Variants in TG observed in about 807,000 individuals in gnomAD.
TG encodes thyroid hormones.
A neutral mutation model predicts 324.7 loss-of-function variants in TG; 270 were observed. The observed-to-expected ratio is 0.83, with a 90% CI of 0.75 to 0.92. The LOEUF (loss-of-function observed/expected upper bound fraction) is 0.92, where lower values mean the gene tolerates loss of function less well. TG is among the 40% of genes least tolerant of loss of function. The pLI is 0.00. For synonymous variants in TG, 1,401 were observed against 1,327.0 expected, an observed-to-expected ratio of 1.06 and a Z score of -1.21; for missense variants, 3,591 against 3,456.4, an observed-to-expected ratio of 1.04 and a Z score of -0.98.
At chr8:132,921,421 G>A (rs1432547122) in intron 21 of TG, among the ~76,000 whole-genome samples, 3 of 152,176 alleles carry the variant, frequency 2.0e-5, no homozygotes, top group African/African-American at 7.2e-5. Flanking sequence ...GGTTCTCTAG[G>A]ATCAAGGTTG....
chr8:133,113,701 C>G, intron 44 of TG, 98 bp downstream of exon 44: 1 of 1,395,242 alleles, frequency 7.2e-7, no homozygotes, highest in Non-Finnish European at 9.9e-7. Flanking sequence ...AGGCACGTGG[C>G]TTTGTGCTTG....
intron 21 of TG, 59 bp downstream of exon 21, chr8:132,919,584 AG>A: frequency 3.1e-6 from 5 of 1,604,370 alleles, no homozygotes; most frequent in Admixed American, 1.7e-5. Flanking sequence ...GGAACTCAAC[AG>A]GGTTTCCCAA....
At chr8:133,053,905 A>C (rs2739182) in intron 41 of TG, among the ~76,000 whole-genome samples, 9 of 152,070 alleles carry the variant, frequency 5.9e-5, no homozygotes, top group South Asian at 2.1e-4. Context: ...GCTTTTGCTT[A>C]AGGGTCAGAT....
intron 26 of TG, among the ~76,000 whole-genome samples, chr8:132,946,162 A>G (rs1051895297): frequency 1.3e-5 from 2 of 152,280 alleles, no homozygotes; most frequent in African/African-American, 2.4e-5. Context: ...TTTTCTGAAG[A>G]TACCACAATT....
At chr8:132,962,737 A>C (rs1188179555) in intron 28 of TG, among the ~76,000 whole-genome samples, 1 of 152,194 alleles carries the variant, frequency 6.6e-6, no homozygotes, top group Non-Finnish European at 1.5e-5. Context: ...TTATGAGCAT[A>C]TTTTGTTAAC....
intron 45 of TG, among the ~76,000 whole-genome samples, chr8:133,124,570 A>G (rs1431094309): frequency 6.6e-6 from 1 of 152,210 alleles, no homozygotes; most frequent in Non-Finnish European, 1.5e-5. Flanking sequence ...TCACCTTTAA[A>G]ATAGGTATAG....
chr8:132,994,888 G>T, intron 35 of TG: 1 of 1,211,002 alleles, frequency 8.3e-7, no homozygotes, highest in East Asian at 6.0e-5. Context: ...TAAGATTGAG[G>T]TAATGAGCTC....
intron 41 of TG, chr8:133,049,856 G>T (rs761088925): frequency 1.7e-6 from 2 of 1,193,548 alleles, no homozygotes; most frequent in Non-Finnish European, 2.5e-6. Flanking sequence ...TGAGTCACCA[G>T]CATACGCATC....
At position 132,971,858 on chromosome 8, in the gene TG, G is replaced by A; in HGVS notation, c.6040G>A (p.Val2014Ile). ...PCCTGFGFLN[V>I]SQLKGGEVTC... ...CTGCACTGGCTTTGGATTTCTAAATGTTTCCCAGTTAAAAGGTAATAATGG... is the reference window on the plus strand; with the variant it reads ...CTGCACTGGCTTTGGATTTCTAAATATTTCCCAGTTAAAAGGTAATAATGG... The change falls in exon 33 of 48, where the codon GTT (valine) becomes ATT (isoleucine). Residue 2014 changes from valine (V) to isoleucine (I), a missense_variant. Transcript: ENST00000220616. 5.0e-6 allele frequency: 8 copies of A among 1,612,708 alleles called. No individual in the cohort carries two copies. Among genetic ancestry groups the A allele is most frequent in the Non-Finnish European group, 6.8e-6 (8 of 1,178,752 alleles).
chr8:132,998,466 A>G (rs1437116250), intron 35 of TG, among the ~76,000 whole-genome samples: 1 of 152,240 alleles, frequency 6.6e-6, no homozygotes, highest in Non-Finnish European at 1.5e-5. Context: ...TTCTTTGCCC[A>G]TGCTCAGCAG....
intron 26 of TG, among the ~76,000 whole-genome samples, chr8:132,948,089 G>A (rs905773005): frequency 5.3e-5 from 8 of 152,186 alleles, no homozygotes. Context: ...TCTCTGCTTG[G>A]ATATGTCCAA....
intron 35 of TG, among the ~76,000 whole-genome samples, chr8:132,985,123 GA>G (rs1321323413): frequency 6.6e-6 from 1 of 152,006 alleles, no homozygotes; most frequent in Non-Finnish European, 1.5e-5. Flanking sequence ...TGTGTTCAAC[GA>G]CACATAGATC....
In TG at chr8:132,911,475, A is replaced by G. The variant is rs762431706; in HGVS notation, c.4101A>G (p.Thr1367=). The part of the protein sequence containing the change: ...LTRERLGVNV[T]WKSRLEDIPV... Reference sequence around the variant, plus strand: ...GGGAGCGTTTAGGAGTGAATGTTACATGGAAATCACGGCTTGAGGACATCC... The same window carrying G: ...GGGAGCGTTTAGGAGTGAATGTTACGTGGAAATCACGGCTTGAGGACATCC... The change falls in exon 19 of 48, where the codon ACA becomes ACG. Residue 1367 remains threonine (T), a synonymous_variant. Coordinates refer to ENST00000220616, the MANE Select transcript of TG (RefSeq NM_003235.5). 1.9e-6 allele frequency: 3 copies of G among 1,614,218 alleles called. No homozygotes were observed. The highest frequency in any genetic ancestry group is 2.5e-6 in the Non-Finnish European group (3 of 1,180,032).
intron 40 of TG, among the ~76,000 whole-genome samples, chr8:133,023,045 C>G (rs1358861688): frequency 6.6e-6 from 1 of 152,104 alleles, no homozygotes; most frequent in African/African-American, 2.4e-5. Flanking sequence ...TCTCTGTTTC[C>G]CAAGGGTCTC....
chr8:132,942,505 T>G (rs1475018469), intron 26 of TG, among the ~76,000 whole-genome samples: 1 of 152,222 alleles, frequency 6.6e-6, no homozygotes, highest in Middle Eastern at 3.2e-3. Flanking sequence ...GGTTCTCACT[T>G]AAGTCAACAG....
chr8:132,878,249 C>A (rs1231509714), intron 5 of TG, among the ~76,000 whole-genome samples: 1 of 152,142 alleles, frequency 6.6e-6, no homozygotes, highest in African/African-American at 2.4e-5. Context: ...ACACTGTATG[C>A]CACAGGGGAC....
chr8:132,949,180 C>T (rs1452108794), intron 27 of TG, among the ~76,000 whole-genome samples: 1 of 152,212 alleles, frequency 6.6e-6, no homozygotes, highest in African/African-American at 2.4e-5. Flanking sequence ...GATGGCCCAG[C>T]AGGGCAAGTC....
Position 132,866,959 on chromosome 8 carries a change from A to G in TG, c.-42A>G. ...CTCCCTGGCCAGGGGACCTAGGGCA[A>G]GCAGTGGTTTCTCCTCCTTCCTCCC... On this transcript the variant is annotated 5_prime_UTR_variant, in exon 1 of 48. Transcript: ENST00000220616. 6.6e-7 allele frequency: 1 copy of G among 1,515,796 alleles called. No homozygotes were observed. The highest frequency in any genetic ancestry group is 9.0e-7 in the Non-Finnish European group (1 of 1,110,496). The allele number at this position is 1,515,796 out of a possible 1,614,324, so 93.9% of individuals were successfully genotyped here.
chr8:133,013,275 A>T (rs1834680160), intron 36 of TG, among the ~76,000 whole-genome samples: 1 of 152,210 alleles, frequency 6.6e-6, no homozygotes. Flanking sequence ...TGACTGATGG[A>T]TGGATTCATG....
Sources: gnomAD v4.1 joint callset for allele counts (sites outside exome capture counted in the v4.1 genomes callset) on GRCh38, gnomAD v4.1.1 for gene constraint, MANE v1.5 for transcripts, NCBI Gene and HGNC (gene_info 2026-07-23, HGNC 2026-07-21) for gene names.